Variants in ARHGAP23 observed in about 807,000 individuals in gnomAD.
ARHGAP23 encodes the protein rho GTPase-activating protein 23.
ARHGAP23 carries 34 observed loss-of-function variants against 136.3 expected under a neutral mutation model. The ratio of observed to expected loss-of-function variants is 0.25; its 90% CI spans 0.19 to 0.33. ARHGAP23 has a LOEUF of 0.33. Among genes scored for constraint, ARHGAP23 ranks in the 10% least tolerant of loss-of-function variants. The pLI is 1.00. For synonymous variants in ARHGAP23, 832 were observed against 920.5 expected (o/e 0.90, Z 1.74); for missense variants, 1,808 against 2,139.0 (o/e 0.85, Z 3.05).
intron 20 of ARHGAP23, among the ~76,000 whole-genome samples, chr17:38,494,185 G>T (rs1358710665): frequency 6.6e-6 from 1 of 152,156 alleles, no homozygotes; most frequent in Non-Finnish European, 1.5e-5. Context: ...CTGCTCCTAT[G>T]TGCTGTGTGG....
At chr17:38,503,394 C>T (rs1014354012) in intron 23 of ARHGAP23, among the ~76,000 whole-genome samples, 20 of 152,314 alleles carry the variant, frequency 1.3e-4, no homozygotes, top group African/African-American at 4.1e-4. Flanking sequence ...TGAAGCAAGG[C>T]AGATTTCCTG....
At chr17:38,476,642 C>T (rs1446317718) in intron 11 of ARHGAP23, among the ~76,000 whole-genome samples, 1 of 152,110 alleles carries the variant, frequency 6.6e-6, no homozygotes, top group Admixed American at 6.5e-5. Context: ...AGGTGACATC[C>T]TTGAGGGAGG....
At chr17:38,478,084 G>A (rs912003616) in intron 12 of ARHGAP23, among the ~76,000 whole-genome samples, 188 bp downstream of exon 12, 1 of 152,188 alleles carries the variant, frequency 6.6e-6, no homozygotes, top group Non-Finnish European at 1.5e-5. Flanking sequence ...GGCTCACGGG[G>A]GACCTGGCGT....
intron 4 of ARHGAP23, 76 bp from the exon 5 acceptor site, chr17:38,463,042 C>T (rs1184463471): frequency 6.5e-7 from 1 of 1,533,740 alleles, no homozygotes; most frequent in South Asian, 1.2e-5. Flanking sequence ...ACAGTGTTAG[C>T]CATGCCTGGT....
intron 16 of ARHGAP23, among the ~76,000 whole-genome samples, chr17:38,484,190 G>A (rs2040110357): frequency 6.6e-6 from 1 of 152,104 alleles, no homozygotes; most frequent in African/African-American, 2.4e-5. Context: ...GTGGTCTCAG[G>A]GGAAGGGGGA....
chr17:38,505,039 C>G lies in ARHGAP23; in HGVS notation c.3447+4411C>G, dbSNP rs531045715. Among the ~76,000 whole-genome samples, 271 of 101,428 alleles carry G rather than the reference C, an allele frequency of 2.7e-3. 1 individual carries two copies. The highest frequency in any genetic ancestry group is 9.3e-3 in the African/African-American group (259 of 27,886). The allele number at this position is 101,428 out of a possible 152,430, so 66.5% of individuals were successfully genotyped here. ...TTTTTTTTTTGAGACAGGTCTTGCT[C>G]TGTCACCCAGGCTGGAGTGCAGTGG... On this transcript the variant is annotated intron_variant, in intron 23 of 23. Transcript: ENST00000622683.
At position 38,480,895 on chromosome 17, in the gene ARHGAP23, G is replaced by T. The variant is rs1387011392; in HGVS notation, c.2629+1012G>T. ...CTATAATCCCAGCATCATTTTGGGA[G>T]GCTGAGGCTGGAGGATTGCTTGAGG... On this transcript the variant is annotated intron_variant, in intron 14 of 23. Transcript: ENST00000622683. Among the ~76,000 whole-genome samples, 3 of 151,944 alleles carry T rather than the reference G, an allele frequency of 2.0e-5. No homozygotes were observed. The East Asian group carries it at 5.8e-4, about 29-fold the overall frequency.
chr17:38,501,581 G>GT, intron 23 of ARHGAP23, among the ~76,000 whole-genome samples: 1 of 152,242 alleles, frequency 6.6e-6, no homozygotes, highest in Admixed American at 6.5e-5. Context: ...GATTACAGGC[G>GT]TGAGTCACTG....
chr17:38,484,561 G>A (rs1266696879), intron 16 of ARHGAP23, among the ~76,000 whole-genome samples: 3 of 152,122 alleles, frequency 2.0e-5, no homozygotes, highest in Non-Finnish European at 4.4e-5. Context: ...CTGGGGTGAG[G>A]GCAGACACTT....
intron 1 of ARHGAP23, among the ~76,000 whole-genome samples, chr17:38,448,858 CTT>C (rs1241989813): frequency 2.4e-4 from 30 of 124,138 alleles, no homozygotes; most frequent in Non-Finnish European, 2.1e-4. Context: ...GTTGCCCAGC[CTT>C]TTTTTTTTTT....
intron 20 of ARHGAP23, among the ~76,000 whole-genome samples, chr17:38,493,217 T>G (rs1400856235): frequency 1.3e-5 from 2 of 151,882 alleles, no homozygotes; most frequent in Admixed American, 1.3e-4. Context: ...TTTTTGTTTT[T>G]TTTTTGATAG....
rs2040773191 is a variant in ARHGAP23 at position 38,511,926 on chromosome 17, C to T, written c.*954C>T. 6.6e-6 allele frequency: 1 copy of T among 152,210 alleles called. No individual in the cohort carries two copies. The highest frequency in any genetic ancestry group is 6.6e-5 in the Admixed American group (1 of 15,260). 9.4% of individuals were successfully genotyped at this position (152,210 alleles called of 1,614,324 possible). ...CACACACTGATTTATGGGGTCTGAG[C>T]TGGGCTGTTCCTGCAGGATGGACAG... On this transcript the variant is annotated 3_prime_UTR_variant, in exon 24 of 24. Coordinates refer to ENST00000622683, the MANE Select transcript of ARHGAP23 (RefSeq NM_001199417.2).
At chr17:38,426,119 C>T (rs202065203), upstream of ARHGAP23, among the ~76,000 whole-genome samples, 11 of 152,196 alleles carry the variant, frequency 7.2e-5, no homozygotes, top group East Asian at 1.5e-3. Context: ...ACCTTTCTCC[C>T]TCACAGAGAC....
chr17:38,469,233 C>T lies in ARHGAP23; in HGVS notation c.1738C>T (p.Leu580=). The T allele has an allele frequency of 6.4e-7, 1 of 1,551,650 alleles. No homozygotes were observed. The highest frequency in any genetic ancestry group is 8.7e-7 in the Non-Finnish European group (1 of 1,146,850). The change falls in exon 8 of 24, where the codon CTG becomes TTG. Residue 580 remains leucine (L), a synonymous_variant. Coordinates refer to ENST00000622683, the MANE Select transcript of ARHGAP23 (RefSeq NM_001199417.2). ...VSSAMNSAPV[L]GTSPSSPTFT... The stretch of plus-strand genomic sequence containing the variant: ...CAGTGCCATGAACTCAGCCCCTGTC[C>T]TGGGCACCAGCCCATCTTCCCCGAC...
chr17:38,473,081 C>A lies in ARHGAP23; in HGVS notation c.2118+1075C>A, dbSNP rs544315106. The stretch of plus-strand genomic sequence containing the variant: ...CCTCCTGGGTAGCTGGGACTACAGG[C>A]ACTCACCACCAAACCCGGCTAATTT... On this transcript the variant is annotated intron_variant, in intron 11 of 23. Coordinates refer to ENST00000622683, the MANE Select transcript of ARHGAP23 (RefSeq NM_001199417.2). 6.6e-5 allele frequency among the ~76,000 whole-genome samples: 10 copies of A among 151,644 alleles called. No individual in the cohort carries two copies. In the East Asian group the frequency reaches 1.7e-3, roughly 26 times the overall value.
chr17:38,488,361 C>A (rs144363854), intron 17 of ARHGAP23, among the ~76,000 whole-genome samples: 1 of 152,080 alleles, frequency 6.6e-6, no homozygotes, highest in Non-Finnish European at 1.5e-5. Flanking sequence ...TGTAATTGCT[C>A]GATCAGACCA....
Position 38,448,630 on chromosome 17 carries a change from G to T in ARHGAP23, c.64-9472G>T, listed in dbSNP as rs998754451. On this transcript the variant is annotated intron_variant, in intron 1 of 23. Coordinates refer to ENST00000622683, the MANE Select transcript of ARHGAP23 (RefSeq NM_001199417.2). ...CCCCTGAGCTGTGCTGCCACTGAAA[G>T]AACTTGGGGAGTTTTTTTTTTTTTT... Among the ~76,000 whole-genome samples the T allele has an allele frequency of 2.8e-5, 4 of 143,708 alleles. No homozygotes were observed. In the South Asian group the frequency reaches 8.7e-4, roughly 31 times the overall value. 94.3% of individuals were successfully genotyped at this position (143,708 alleles called of 152,430 possible). A position where few individuals can be genotyped will look rare whatever the true frequency, so the allele number is the denominator to read the frequency against.
chr17:38,454,133 G>T, intron 1 of ARHGAP23: 1 of 152,194 alleles, frequency 6.6e-6, no homozygotes, highest in South Asian at 1.8e-4. Flanking sequence ...GGGCCGCGCC[G>T]GGCCAGGGTG....
intron 3 of ARHGAP23, among the ~76,000 whole-genome samples, chr17:38,462,546 A>G (rs79504700): frequency 0.8 from 122,199 of 152,166 alleles, 49,449 homozygotes; most frequent in East Asian, 0.97. Flanking sequence ...GTGAGCTACC[A>G]TGCCTGGCCT....
Sources: allele counts gnomAD v4.1 joint callset (sites outside exome capture counted in the v4.1 genomes callset), GRCh38; gene constraint gnomAD v4.1.1; transcripts MANE v1.5; gene names NCBI Gene and HGNC (gene_info 2026-07-23, HGNC 2026-07-21).